Variants in MSRA observed in about 807,000 individuals in gnomAD.
MSRA encodes mitochondrial peptide methionine sulfoxide reductase.
Under a neutral mutation model 31.3 loss-of-function variants are expected in MSRA, and 54 were observed. The observed-to-expected ratio is 1.73, with a 90% CI of 1.39 to 2.17. MSRA has a LOEUF of 2.17. MSRA is among the 30% of genes most tolerant of loss of function. The pLI, the probability that MSRA is intolerant of heterozygous loss-of-function variation, is 0.00. For missense variants in MSRA, 507 were observed against 300.9 expected (o/e 1.69, Z -5.07); for synonymous variants, 169 against 116.5 (o/e 1.45, Z -2.90).
intron 3 of MSRA, among the ~76,000 whole-genome samples, chr8:10,249,648 G>A (rs1389162764): frequency 1.3e-5 from 2 of 152,094 alleles, no homozygotes; most frequent in Admixed American, 1.3e-4. Context: ...TCTGCACCAG[G>A]CACCCAGTCT....
intron 1 of MSRA, among the ~76,000 whole-genome samples, chr8:10,096,874 G>C (rs1013849891): frequency 2.0e-5 from 3 of 152,076 alleles, no homozygotes; most frequent in Non-Finnish European, 4.4e-5. Context: ...TTGACTTGTA[G>C]GATTAAGTTA....
intron 3 of MSRA, among the ~76,000 whole-genome samples, chr8:10,289,197 G>T (rs997116605): frequency 6.6e-6 from 1 of 152,016 alleles, no homozygotes; most frequent in Admixed American, 6.6e-5. Context: ...TGTATTTTTA[G>T]TAGAGACGGA....
At chr8:10,413,956 G>A (rs1249182135) in intron 5 of MSRA, among the ~76,000 whole-genome samples, 1 of 152,252 alleles carries the variant, frequency 6.6e-6, no homozygotes, top group Non-Finnish European at 1.5e-5. Flanking sequence ...TTTGAGCCCA[G>A]GAGTTTGAGA....
chr8:10,276,007 G>T (rs964001894), intron 3 of MSRA, among the ~76,000 whole-genome samples: 5 of 152,198 alleles, frequency 3.3e-5, no homozygotes, highest in African/African-American at 1.2e-4. Flanking sequence ...AGTTCCTTCT[G>T]TTGCTCCAAC....
intron 2 of MSRA, among the ~76,000 whole-genome samples, chr8:10,227,679 A>G (rs1443215250): frequency 3.3e-5 from 5 of 152,214 alleles, no homozygotes; most frequent in African/African-American, 1.2e-4. Flanking sequence ...AGCACATTTT[A>G]AATTAGGGAA....
intron 2 of MSRA, among the ~76,000 whole-genome samples, chr8:10,212,494 A>G (rs918725446): frequency 1.3e-5 from 2 of 152,254 alleles, no homozygotes; most frequent in African/African-American, 4.8e-5. Context: ...GATTGTATAT[A>G]ATGTCACATC....
intron 3 of MSRA, among the ~76,000 whole-genome samples, chr8:10,281,434 G>A (rs192392342): frequency 1.6e-4 from 25 of 152,306 alleles, no homozygotes; most frequent in Admixed American, 9.1e-4. Flanking sequence ...CACCCTCATA[G>A]GTAATCATCT....
At chr8:10,424,740 C>G (rs1310342156) in intron 5 of MSRA, among the ~76,000 whole-genome samples, 1 of 152,150 alleles carries the variant, frequency 6.6e-6, no homozygotes, top group Non-Finnish European at 1.5e-5. Flanking sequence ...GAGGCCCCCT[C>G]CTGGGTTAGG....
chr8:10,278,947 C>T (rs1425238724), intron 3 of MSRA, among the ~76,000 whole-genome samples: 1 of 152,142 alleles, frequency 6.6e-6, no homozygotes, highest in Non-Finnish European at 1.5e-5. Context: ...CTGCTAGTCT[C>T]ATTGAGCATG....
intron 1 of MSRA, among the ~76,000 whole-genome samples, chr8:10,135,142 T>C (rs1472268316): frequency 1.3e-5 from 2 of 152,234 alleles, no homozygotes; most frequent in African/African-American, 4.8e-5. Flanking sequence ...AGCATTTCTA[T>C]TTCACTCTTG....
chr8:10,403,414 A>T (rs1013557371), intron 5 of MSRA, among the ~76,000 whole-genome samples: 2 of 152,130 alleles, frequency 1.3e-5, no homozygotes, highest in African/African-American at 2.4e-5. Flanking sequence ...AGCTGGGATG[A>T]TGGGATCCCT....
At chr8:10,215,254 A>G (rs562134666) in intron 2 of MSRA, among the ~76,000 whole-genome samples, 3 of 152,346 alleles carry the variant, frequency 2.0e-5, no homozygotes, top group South Asian at 2.1e-4. Context: ...TAAAGAATTC[A>G]GAATTCCCAA....
intron 1 of MSRA, among the ~76,000 whole-genome samples, chr8:10,083,036 G>T (rs1017857620): frequency 6.6e-6 from 1 of 152,128 alleles, no homozygotes; most frequent in African/African-American, 2.4e-5. Context: ...ACTGACTGGG[G>T]GTGCATTTAT....
At chr8:10,316,240 T>A (rs1023332955) in intron 4 of MSRA, among the ~76,000 whole-genome samples, 1 of 151,824 alleles carries the variant, frequency 6.6e-6, no homozygotes, top group Non-Finnish European at 1.5e-5. Context: ...TTTTTTTTTT[T>A]ACTTAAATTA....
chr8:10,270,846 C>A (rs755586564), intron 3 of MSRA, among the ~76,000 whole-genome samples: 1 of 152,172 alleles, frequency 6.6e-6, no homozygotes, highest in South Asian at 2.1e-4. Context: ...GAAGGCACTG[C>A]AGGGTGGAAT....
chr8:10,207,815 C>CT lies in MSRA; in HGVS notation c.143-5dup, dbSNP rs77793822. 0.15 allele frequency: 154,243 copies of CT among 1,050,688 alleles called. 2 individuals are homozygous for CT. The highest frequency in any genetic ancestry group is 0.16 in the Non-Finnish European group (119,780 of 741,820). 65.1% of individuals were successfully genotyped at this position (1,050,688 alleles called of 1,614,324 possible). On this transcript the variant is annotated splice_polypyrimidine_tract_variant and intron_variant, in intron 1 of 5. Coordinates refer to ENST00000317173, the MANE Select transcript of MSRA (RefSeq NM_012331.5). ...GAACTTTACACTTAAACTTGCATTT[C>CT]TTTTTTTTTTTTTCTAGCCAAACAT... is the stretch of plus-strand genomic sequence containing the variant.
intron 1 of MSRA, among the ~76,000 whole-genome samples, chr8:10,064,175 G>C (rs1797343138): frequency 1.3e-5 from 2 of 152,144 alleles, no homozygotes; most frequent in Non-Finnish European, 1.5e-5. Flanking sequence ...TCAGATTCCA[G>C]CTGCTTTCTC....
intron 1 of MSRA, among the ~76,000 whole-genome samples, chr8:10,092,795 T>A (rs1798922994): frequency 6.6e-6 from 1 of 152,244 alleles, no homozygotes. Flanking sequence ...TATTGAAGTT[T>A]CCAACTATCA....
chr8:10,196,818 C>T (rs1808033797), intron 1 of MSRA, among the ~76,000 whole-genome samples: 1 of 151,940 alleles, frequency 6.6e-6, no homozygotes, highest in African/African-American at 2.4e-5. Context: ...GTAATCCGTC[C>T]ACCTCGGCCT....
Sources: allele counts gnomAD v4.1 joint callset (sites outside exome capture counted in the v4.1 genomes callset), GRCh38; gene constraint gnomAD v4.1.1; transcripts MANE v1.5; gene names NCBI Gene and HGNC (gene_info 2026-07-23, HGNC 2026-07-21).